The following KIF1C variants were observed in gnomAD, a reference collection of about 807,000 sequenced individuals.
KIF1C encodes kinesin family member 1C.
In KIF1C, 61 loss-of-function variants were observed where a neutral mutation model predicts 126.5. That is an observed-to-expected ratio of 0.48 (90% CI 0.39 to 0.60). KIF1C has a LOEUF of 0.60. KIF1C is among the 20% of genes least tolerant of loss of function. The probability of loss-of-function intolerance (pLI) is 0.00; values close to 1 mark genes in which losing one functional copy is unlikely to be tolerated. For synonymous variants in KIF1C, 640 were observed against 580.6 expected, an observed-to-expected ratio of 1.10 and a Z score of -1.47; for missense variants, 1,315 against 1,489.2, an observed-to-expected ratio of 0.88 and a Z score of 1.93.
Position 5,024,996 on chromosome 17 carries a change from G to C in KIF1C, c.*845G>C, listed in dbSNP as rs1239904529. Reference sequence around the variant, plus strand: ...TGGCTCACTGCAGCCTCCGCCTCCTGAGTAGCTGGGATTACAGGCATGTGC... The same window carrying C: ...TGGCTCACTGCAGCCTCCGCCTCCTCAGTAGCTGGGATTACAGGCATGTGC... On this transcript the variant is annotated 3_prime_UTR_variant, in exon 23 of 23. Coordinates refer to ENST00000320785, the MANE Select transcript of KIF1C (RefSeq NM_006612.6). The C allele has an allele frequency of 6.6e-6, 1 of 152,024 alleles. No homozygotes were observed. Among genetic ancestry groups the C allele is most frequent in the African/African-American group, 2.4e-5 (1 of 41,330 alleles). 9.4% of individuals were successfully genotyped at this position (152,024 alleles called of 1,614,324 possible). A position where few individuals can be genotyped will look rare whatever the true frequency, so the allele number is the denominator to read the frequency against.
chr17:5,001,438 G>A (rs369989822), intron 5 of KIF1C, 37 bp downstream of exon 5: 27 of 1,588,578 alleles, frequency 1.7e-5, no homozygotes, highest in Admixed American at 3.4e-5. Flanking sequence ...CAGGGCAGGA[G>A]CATCTTTAGC....
Position 5,006,908 on chromosome 17 carries a change from C to T in KIF1C, c.1166-7C>T, listed in dbSNP as rs1262577543. The T allele has an allele frequency of 5.0e-6, 8 of 1,611,562 alleles. No individual in the cohort carries two copies. Among genetic ancestry groups the T allele is most frequent in the Non-Finnish European group, 5.9e-6 (7 of 1,179,382 alleles). On this transcript the variant is annotated splice_region_variant and splice_polypyrimidine_tract_variant and intron_variant, in intron 13 of 22. Coordinates refer to ENST00000320785, the MANE Select transcript of KIF1C (RefSeq NM_006612.6). ...GCCTCATTCTTTTTCCTCTTTCTCC[C>T]TCCCAGGCCTGAAGACGGAAGAAGG...
chr17:5,015,172 C>T (rs1183914514), intron 18 of KIF1C, among the ~76,000 whole-genome samples: 1 of 152,220 alleles, frequency 6.6e-6, no homozygotes, highest in East Asian at 1.9e-4. Flanking sequence ...ACAACTAGCA[C>T]TCTGATCCTT....
At position 4,998,116 on chromosome 17, in the gene KIF1C, C is replaced by G. The variant is rs557053149; in HGVS notation, c.-189C>G. The stretch of plus-strand genomic sequence containing the variant: ...GCCTCACGCTTCCCGGAAAGCTTGT[C>G]CCTCTCCGCCGAGCTGCTCCGGGAG... On this transcript the variant is annotated 5_prime_UTR_variant, in exon 1 of 23. Coordinates refer to ENST00000320785, the MANE Select transcript of KIF1C (RefSeq NM_006612.6). The G allele has an allele frequency of 3.3e-5, 5 of 152,320 alleles. No homozygotes were observed. Among genetic ancestry groups the G allele is most frequent in the African/African-American group, 9.6e-5 (4 of 41,568 alleles). The allele number at this position is 152,320 out of a possible 1,614,324, so 9.4% of individuals were successfully genotyped here.
chr17:4,998,940 T>C (rs2143297101), intron 1 of KIF1C: 1 of 152,512 alleles, frequency 6.6e-6, no homozygotes. Flanking sequence ...CCCAGGGCAG[T>C]GGACGCCATA....
chr17:5,020,060 G>A lies in KIF1C; in HGVS notation c.1731G>A (p.Glu577=), dbSNP rs770419005. 57 of 1,596,550 alleles carry A rather than the reference G, an allele frequency of 3.6e-5. No individual in the cohort carries two copies. The Admixed American group carries it at 4.7e-4, about 13-fold the overall frequency. The part of the protein sequence containing the change: ...ETYVNGKLVT[E]PLVLKSGNRI... ...ATGTGAATGGGAAGCTTGTGACGGAGCCGCTGGTGCTGAAGTCAGGTAGAA... is the reference window on the plus strand; with the variant it reads ...ATGTGAATGGGAAGCTTGTGACGGAACCGCTGGTGCTGAAGTCAGGTAGAA... The change falls in exon 19 of 23, where the codon GAG becomes GAA. Residue 577 remains glutamate (E), a synonymous_variant. Coordinates refer to ENST00000320785, the MANE Select transcript of KIF1C (RefSeq NM_006612.6). The surrounding 1 kb of genome is among the most constrained non-coding windows in gnomAD (Gnocchi z 5.8).
intron 9 of KIF1C, 51 bp downstream of exon 9, chr17:5,003,740 A>G: frequency 5.7e-6 from 9 of 1,571,768 alleles, no homozygotes; most frequent in Non-Finnish European, 5.3e-6. Flanking sequence ...TGTGGGCTGT[A>G]TGTGGAGGTC....
chr17:5,010,283 G>T (rs1974832605), intron 16 of KIF1C, among the ~76,000 whole-genome samples: 1 of 152,068 alleles, frequency 6.6e-6, no homozygotes, highest in African/African-American at 2.4e-5. Flanking sequence ...GTATTCTATT[G>T]TGTAGATGTA....
chr17:5,018,016 T>C (rs1252850007), intron 18 of KIF1C, among the ~76,000 whole-genome samples: 1 of 152,126 alleles, frequency 6.6e-6, no homozygotes, highest in African/African-American at 2.4e-5. Context: ...GGTCTTGCCC[T>C]GTCACCCAGG....
rs146168173 is a variant in KIF1C, at chr17:5,020,428, G to T, written c.1751-64G>T. On this transcript the variant is annotated intron_variant, in intron 19 of 22. Coordinates refer to ENST00000320785, the MANE Select transcript of KIF1C (RefSeq NM_006612.6). This position sits in a 1 kb window ranked among gnomAD's most constrained non-coding sequence, Gnocchi z 5.8. ...CCCTGTGCCAGATTCTCTATGCCTT[G>T]GGTGTAGGGATGGATTTGGTGCTGA... is the stretch of plus-strand genomic sequence containing the variant. 79 of 1,475,414 alleles carry T rather than the reference G, an allele frequency of 5.4e-5. No homozygotes were observed. In the Middle Eastern group the frequency reaches 9.0e-4, roughly 17 times the overall value. 91.4% of individuals were successfully genotyped at this position (1,475,414 alleles called of 1,614,324 possible). A position where few individuals can be genotyped will look rare whatever the true frequency, so the allele number is the denominator to read the frequency against.
intron 18 of KIF1C, 71 bp downstream of exon 18, chr17:5,014,908 C>A: frequency 1.5e-6 from 2 of 1,318,204 alleles, no homozygotes; most frequent in Non-Finnish European, 2.1e-6. Flanking sequence ...ACACTGAACT[C>A]AGAGGTCTGG....
At position 5,026,837 on chromosome 17, in the gene KIF1C, C is replaced by A. The variant is rs1975216402; in HGVS notation, c.*2686C>A. 6.6e-6 allele frequency: 1 copy of A among 151,572 alleles called. No homozygotes were observed. The highest frequency in any genetic ancestry group is 2.4e-5 in the African/African-American group (1 of 41,216). The allele number at this position is 151,572 out of a possible 1,614,324, so 9.4% of individuals were successfully genotyped here. A position where few individuals can be genotyped will look rare whatever the true frequency, so the allele number is the denominator to read the frequency against. ...GCACAGTGGCTCACACCCGTAATCC[C>A]AACACTTTGGAATATTAGGGTGGGA... On this transcript the variant is annotated 3_prime_UTR_variant, in exon 23 of 23. Transcript: ENST00000320785.
chr17:5,019,943 A>G (rs1337572294), intron 18 of KIF1C, 53 bp from the exon 19 acceptor site: 1 of 1,424,452 alleles, frequency 7.0e-7, no homozygotes, highest in Admixed American at 1.9e-5. Context: ...TGTGACCATG[A>G]CCCACCTTCC....
At chr17:5,000,552 C>T (rs1032961348) in intron 3 of KIF1C, among the ~76,000 whole-genome samples, 200 bp downstream of exon 3, 4 of 152,032 alleles carry the variant, frequency 2.6e-5, no homozygotes, top group African/African-American at 4.8e-5. Context: ...CTGGAGCCCT[C>T]CATTGCCCAA....
chr17:5,004,916 C>T lies in KIF1C; in HGVS notation c.1081C>T (p.Arg361Trp), dbSNP rs776499585. The change falls in exon 13 of 23, where the codon CGG becomes TGG. Residue 361 changes from arginine to tryptophan, a missense_variant. Transcript: ENST00000320785. The stretch of plus-strand genomic sequence containing the variant: ...CATCATCAACGAGGACCCTAATGCC[C>T]GGCTGATTAGAGAGCTGCAGGAGGA... ...NAIINEDPNA[R>W]LIRELQEEVA... The T allele has an allele frequency of 8.7e-6, 14 of 1,614,106 alleles. No homozygotes were observed. Among genetic ancestry groups the T allele is most frequent in the African/African-American group, 2.7e-5 (2 of 74,940 alleles).
chr17:5,001,507 GAGGCCA>G, intron 5 of KIF1C, 106 bp downstream of exon 5: 2 of 1,138,856 alleles, frequency 1.8e-6, no homozygotes, highest in Non-Finnish European at 2.5e-6. Flanking sequence ...ACCTGGCTCT[GAGGCCA>G]TTGGTGATGG....
At position 5,022,714 on chromosome 17, in the gene KIF1C, G is replaced by C; in HGVS notation, c.2628+5G>C. 6.6e-7 allele frequency: 1 copy of C among 1,516,806 alleles called. No individual in the cohort carries two copies. Among genetic ancestry groups the C allele is most frequent in the Non-Finnish European group, 8.8e-7 (1 of 1,135,926 alleles). The allele number at this position is 1,516,806 out of a possible 1,614,324, so 94.0% of individuals were successfully genotyped here. On this transcript the variant is annotated splice_donor_5th_base_variant and intron_variant, in intron 22 of 22. Transcript: ENST00000320785. The surrounding 1 kb of genome is among the most constrained non-coding windows in gnomAD (Gnocchi z 4.9). Reference sequence around the variant, plus strand: ...AGGGTCATCCCCCTGGCCCAGGTAGGACTGGCCTTCTGCCTCCCTTCTCTC... The same window carrying C: ...AGGGTCATCCCCCTGGCCCAGGTAGCACTGGCCTTCTGCCTCCCTTCTCTC...
chr17:5,024,220 G>A lies in KIF1C; in HGVS notation c.*69G>A. ...GAGAAGGGAAGACGCCCGAGACGCT[G>A]CTTCCCCAGAAGTGCTGGGGCAGGG... On this transcript the variant is annotated 3_prime_UTR_variant, in exon 23 of 23. Coordinates refer to ENST00000320785, the MANE Select transcript of KIF1C (RefSeq NM_006612.6). 2 of 1,166,540 alleles carry A rather than the reference G, an allele frequency of 1.7e-6. No homozygotes were observed. Among genetic ancestry groups the A allele is most frequent in the South Asian group, 1.4e-5 (1 of 69,522 alleles). The allele number at this position is 1,166,540 out of a possible 1,614,324, so 72.3% of individuals were successfully genotyped here. A position where few individuals can be genotyped will look rare whatever the true frequency, so the allele number is the denominator to read the frequency against.
intron 18 of KIF1C, 113 bp from the exon 19 acceptor site, chr17:5,019,883 G>C: frequency 2.7e-6 from 2 of 747,852 alleles, no homozygotes; most frequent in South Asian, 3.1e-5. Flanking sequence ...TACTGGGGGT[G>C]GGACTGGTGG....
Sources: gnomAD v4.1 joint callset for allele counts (sites outside exome capture counted in the v4.1 genomes callset) on GRCh38, gnomAD v4.1.1 for gene constraint, Gnocchi (gnomAD v3.1) non-coding constraint, MANE v1.5 for transcripts, NCBI Gene and HGNC (gene_info 2026-07-23, HGNC 2026-07-21) for gene names.